RHBDL2: variants seen among roughly 807,000 people sequenced by gnomAD.
RHBDL2 encodes rhomboid like 2, also known as rhomboid-related protein 2.
RHBDL2 carries 26 observed loss-of-function variants against 31.7 expected under a neutral mutation model. The observed-to-expected ratio is 0.82, with a 90% CI of 0.60 to 1.14. RHBDL2 has a LOEUF of 1.14. RHBDL2 is among the 50% of genes most tolerant of loss of function. The pLI is 0.00. For missense variants in RHBDL2, 336 were observed against 364.4 expected (o/e 0.92, Z 0.63); for synonymous variants, 123 against 127.2 (o/e 0.97, Z 0.22).
chr1:38,928,776 A>G (rs1570941011), intron 1 of RHBDL2, among the ~76,000 whole-genome samples: 1 of 152,112 alleles, frequency 6.6e-6, no homozygotes, highest in Non-Finnish European at 1.5e-5. Context: ...ATAAAAAATA[A>G]TGGGCCAGGC....
intron 1 of RHBDL2, among the ~76,000 whole-genome samples, chr1:38,938,428 C>T (rs923123786): frequency 6.6e-6 from 1 of 152,066 alleles, no homozygotes; most frequent in Non-Finnish European, 1.5e-5. Context: ...TCATTTCTTT[C>T]CATTTCCCCA....
At chr1:38,914,236 C>A (rs6661608) in intron 3 of RHBDL2, among the ~76,000 whole-genome samples, 19,187 of 151,788 alleles carry the variant, frequency 0.13, 1,551 homozygotes, top group Non-Finnish European at 0.18. Context: ...TGTTCATGAA[C>A]TAAATTTATT....
chr1:38,938,121 G>A (rs577436945), intron 1 of RHBDL2, among the ~76,000 whole-genome samples: 2 of 151,932 alleles, frequency 1.3e-5, no homozygotes, highest in South Asian at 2.1e-4. Context: ...GGGTTCAAGC[G>A]ATTCTCCTCC....
intron 5 of RHBDL2, among the ~76,000 whole-genome samples, chr1:38,893,907 T>C (rs1057428799): frequency 2.0e-5 from 3 of 152,074 alleles, no homozygotes. Flanking sequence ...ACCTGGCTCA[T>C]TGTTGGATTT....
chr1:38,919,514 TCCA>T, intron 1 of RHBDL2, 177 bp from the exon 2 acceptor site: 1 of 342,446 alleles, frequency 2.9e-6, no homozygotes, highest in Non-Finnish European at 4.9e-6. Flanking sequence ...AATTAAATTC[TCCA>T]AGCCTCAAAT....
intron 1 of RHBDL2, among the ~76,000 whole-genome samples, chr1:38,920,844 T>C (rs1643303970): frequency 6.7e-6 from 1 of 149,084 alleles, no homozygotes; most frequent in African/African-American, 2.5e-5. Context: ...CTCGATCTCC[T>C]GACCTCGTGA....
At chr1:38,929,671 C>T in intron 1 of RHBDL2, 2 of 786,954 alleles carry the variant, frequency 2.5e-6, no homozygotes, top group South Asian at 1.2e-4. Context: ...TAGCCAATTG[C>T]TGCCCAGCTG....
At chr1:38,930,755 G>A (rs1463661899) in intron 1 of RHBDL2, among the ~76,000 whole-genome samples, 1 of 152,200 alleles carries the variant, frequency 6.6e-6, no homozygotes, top group African/African-American at 2.4e-5. Context: ...AGTTGGCCCA[G>A]GCCCTTAAGT....
chr1:38,887,369 C>T (rs1049731248), intron 7 of RHBDL2, among the ~76,000 whole-genome samples: 2 of 152,072 alleles, frequency 1.3e-5, no homozygotes, highest in African/African-American at 4.8e-5. Flanking sequence ...GCACATGCCA[C>T]CATGCCTGGC....
At chr1:38,888,131 C>T in intron 6 of RHBDL2, 107 bp from the exon 7 acceptor site, 1 of 693,824 alleles carries the variant, frequency 1.4e-6, no homozygotes, top group Non-Finnish European at 2.5e-6. Context: ...TTTATTGATA[C>T]TTAACTCTGT....
At chr1:38,906,613 G>A (rs1478097152) in intron 4 of RHBDL2, among the ~76,000 whole-genome samples, 3 of 151,822 alleles carry the variant, frequency 2.0e-5, no homozygotes, top group African/African-American at 4.8e-5. Context: ...GGTGGAGCTT[G>A]CAGTGAGCGG....
intron 3 of RHBDL2, among the ~76,000 whole-genome samples, chr1:38,913,224 C>T (rs1384394349): frequency 6.6e-6 from 1 of 151,662 alleles, no homozygotes; most frequent in Non-Finnish European, 1.5e-5. Flanking sequence ...CTCAGGTGAC[C>T]ACCTCAGCTT....
At chr1:38,939,505 T>TACA (rs752691560) in intron 1 of RHBDL2, among the ~76,000 whole-genome samples, 14 of 151,928 alleles carry the variant, frequency 9.2e-5, no homozygotes, top group South Asian at 4.2e-4. Flanking sequence ...CTACCAAAAA[T>TACA]ACAACAACAA....
At chr1:38,899,059 C>T (rs1642956284) in intron 4 of RHBDL2, among the ~76,000 whole-genome samples, 1 of 152,202 alleles carries the variant, frequency 6.6e-6, no homozygotes, top group Admixed American at 6.5e-5. Flanking sequence ...ATAGAGTAGT[C>T]TTCTGTGACT....
chr1:38,897,347 A>T (rs947575800), intron 4 of RHBDL2, among the ~76,000 whole-genome samples: 1 of 151,936 alleles, frequency 6.6e-6, no homozygotes, highest in Non-Finnish European at 1.5e-5. Flanking sequence ...TGATCTGCCC[A>T]CCTCGGCCTC....
rs530376714 is a variant in RHBDL2, at chr1:38,939,496, T to C, written c.-126+2186A>G. Among the ~76,000 whole-genome samples, 25 of 152,218 alleles carry C rather than the reference T, an allele frequency of 1.6e-4. No homozygotes were observed. The East Asian group carries it at 4.8e-3, about 29-fold the overall frequency. On this transcript the variant is annotated intron_variant, in intron 1 of 7. Transcript: ENST00000372990. ...GGGCAACATGATGAAACCTTGTCTC[T>C]ACCAAAAATACAACAACAACAACAA...
At chr1:38,931,416 A>G (rs1226307548) in intron 1 of RHBDL2, among the ~76,000 whole-genome samples, 1 of 152,056 alleles carries the variant, frequency 6.6e-6, no homozygotes, top group Non-Finnish European at 1.5e-5. Context: ...AGCTACTCGG[A>G]AGGCTGAGGC....
Position 38,904,283 on chromosome 1 carries a change from A to G in RHBDL2, c.508+7039T>C, listed in dbSNP as rs535658246. Among the ~76,000 whole-genome samples the G allele has an allele frequency of 3.3e-5, 5 of 152,152 alleles. No homozygotes were observed. In the East Asian group the frequency reaches 5.8e-4, roughly 18 times the overall value. ...CAGGAGTTTGAGACCAGTCTGGCCAACGTAGTGAAACCCCGTCTCTACTAA... is the reference window on the plus strand; with the variant it reads ...CAGGAGTTTGAGACCAGTCTGGCCAGCGTAGTGAAACCCCGTCTCTACTAA... On this transcript the variant is annotated intron_variant, in intron 4 of 7. Coordinates refer to ENST00000372990, the MANE Select transcript of RHBDL2 (RefSeq NM_017821.5).
intron 1 of RHBDL2, chr1:38,929,572 T>C: frequency 3.1e-6 from 4 of 1,288,242 alleles, no homozygotes; most frequent in East Asian, 5.5e-5. Flanking sequence ...CACCCATTCA[T>C]TGGTACCAGG....
Sources: allele counts gnomAD v4.1 joint callset (sites outside exome capture counted in the v4.1 genomes callset), GRCh38; gene constraint gnomAD v4.1.1; transcripts MANE v1.5; gene names NCBI Gene and HGNC (gene_info 2026-07-23, HGNC 2026-07-21).